MUSK: variants seen among roughly 807,000 people sequenced by gnomAD.
MUSK encodes muscle, skeletal receptor tyrosine-protein kinase.
In MUSK, 55 loss-of-function variants were observed where a neutral mutation model predicts 88.7. That is an observed-to-expected ratio of 0.62 (90% CI 0.50 to 0.78). MUSK has a LOEUF of 0.78. Ranked by LOEUF, MUSK falls within the 30% of genes least tolerant of loss-of-function variation. MUSK has a pLI of 0.00. For missense variants in MUSK, 1,015 were observed against 1,074.3 expected (o/e 0.94, Z 0.77); for synonymous variants, 387 against 391.9 (o/e 0.99, Z 0.15).
At chr9:110,783,244 C>G (rs533710550) in intron 11 of MUSK, among the ~76,000 whole-genome samples, 2 of 151,972 alleles carry the variant, frequency 1.3e-5, no homozygotes, top group African/African-American at 4.8e-5. Context: ...ATGCTCTTTT[C>G]TTCTGTGCTA....
intron 5 of MUSK, among the ~76,000 whole-genome samples, chr9:110,715,237 TC>T (rs1445762835): frequency 6.7e-6 from 1 of 149,938 alleles, no homozygotes; most frequent in East Asian, 1.9e-4. Flanking sequence ...CTCTAGTACT[TC>T]CCAGTTATGA....
chr9:110,778,361 C>T (rs959442295), intron 11 of MUSK, among the ~76,000 whole-genome samples: 3 of 152,106 alleles, frequency 2.0e-5, no homozygotes, highest in Non-Finnish European at 4.4e-5. Flanking sequence ...AAACACTCAG[C>T]AGTGAATCTG....
chr9:110,684,303 T>A (rs1274548963), intron 2 of MUSK, among the ~76,000 whole-genome samples: 1 of 152,114 alleles, frequency 6.6e-6, no homozygotes, highest in African/African-American at 2.4e-5. Context: ...TGCAGGTGCA[T>A]GAATTTATTT....
At chr9:110,733,636 A>G (rs55649372) in intron 5 of MUSK, among the ~76,000 whole-genome samples, 46,317 of 151,398 alleles carry the variant, frequency 0.31, 7,608 homozygotes, top group Non-Finnish European at 0.36. Context: ...CCCTCCCACT[A>G]TGATACAGTT....
At position 110,682,861 on chromosome 9, in the gene MUSK, A is replaced by G. The variant is rs114710421; in HGVS notation, c.206+61A>G. On this transcript the variant is annotated intron_variant, in intron 2 of 14. Transcript: ENST00000374448. ...GTGGGTATATAGTAGGTGTATATAT[A>G]TGTATATATTTATGAAGTAGATGAG... 2.0e-3 allele frequency: 2,399 copies of G among 1,197,880 alleles called. 33 individuals are homozygous for G. In the African/African-American group the frequency reaches 0.032, roughly 16 times the overall value. 74.2% of individuals were successfully genotyped at this position (1,197,880 alleles called of 1,614,324 possible). A position where few individuals can be genotyped will look rare whatever the true frequency, so the allele number is the denominator to read the frequency against.
At chr9:110,773,564 T>G (rs1212651072) in intron 9 of MUSK, among the ~76,000 whole-genome samples, 1 of 152,150 alleles carries the variant, frequency 6.6e-6, no homozygotes, top group Non-Finnish European at 1.5e-5. Flanking sequence ...TTTTCTTAAA[T>G]TCCTAATTTA....
intron 5 of MUSK, among the ~76,000 whole-genome samples, chr9:110,708,678 G>C (rs1177780646): frequency 6.6e-6 from 1 of 152,054 alleles, no homozygotes; most frequent in African/African-American, 2.4e-5. Context: ...GTTCTATAAG[G>C]CTTTCAGAGA....
At chr9:110,772,419 C>T (rs2077590672) in intron 9 of MUSK, among the ~76,000 whole-genome samples, 1 of 151,272 alleles carries the variant, frequency 6.6e-6, no homozygotes, top group Non-Finnish European at 1.5e-5. Context: ...TTTTCTAATT[C>T]CCATTGTTAT....
chr9:110,701,703 T>C (rs1249044894), intron 5 of MUSK, among the ~76,000 whole-genome samples: 49 of 114 alleles, frequency 0.43, 4 homozygotes, highest in Admixed American at 0.5. Context: ...TATTTTATTT[T>C]ATTTTATTTT....
chr9:110,700,141 G>A (rs1345204847), intron 5 of MUSK, among the ~76,000 whole-genome samples: 1 of 152,188 alleles, frequency 6.6e-6, no homozygotes, highest in African/African-American at 2.4e-5. Context: ...ACTCAAGCGT[G>A]GTGCAGCATG....
chr9:110,781,497 C>T (rs557819531), intron 11 of MUSK, among the ~76,000 whole-genome samples: 4 of 152,258 alleles, frequency 2.6e-5, no homozygotes, highest in Admixed American at 6.5e-5. Flanking sequence ...AGGATGGTCT[C>T]GATCTCCTGA....
chr9:110,759,479 T>C (rs1166725231), intron 7 of MUSK, among the ~76,000 whole-genome samples: 1 of 152,154 alleles, frequency 6.6e-6, no homozygotes, highest in East Asian at 1.9e-4. Context: ...AAATGGAACT[T>C]AATTAAACTT....
intron 1 of MUSK, among the ~76,000 whole-genome samples, chr9:110,674,153 T>G (rs3001134): frequency 0.5 from 75,856 of 151,822 alleles, 19,307 homozygotes; most frequent in African/African-American, 0.57. Flanking sequence ...AACTCTATTG[T>G]GTCTGTGGCC....
Position 110,767,915 on chromosome 9 carries a change from C to A in MUSK, c.1016C>A (p.Thr339Asn). The change falls in exon 9 of 15, where the codon ACC becomes AAC. Residue 339 changes from threonine (T) to asparagine (N), a missense_variant. Transcript: ENST00000374448. ...LAKDALVFLN[T>N]SYADPEEAQE... ...AAAGATGCTCTTGTTTTTCTCAACA[C>A]CTCCTATGCGGACCCTGAGGAGGCC... The A allele has an allele frequency of 6.2e-7, 1 of 1,613,980 alleles. No homozygotes were observed. Among genetic ancestry groups the A allele is most frequent in the Non-Finnish European group, 8.5e-7 (1 of 1,179,882 alleles).
chr9:110,740,011 T>C (rs2077076811), intron 6 of MUSK, among the ~76,000 whole-genome samples: 1 of 152,120 alleles, frequency 6.6e-6, no homozygotes, highest in African/African-American at 2.4e-5. Context: ...CGGGACACTT[T>C]AATATCCACA....
chr9:110,722,140 T>C (rs537897436), intron 5 of MUSK, among the ~76,000 whole-genome samples: 1 of 152,306 alleles, frequency 6.6e-6, no homozygotes, highest in South Asian at 2.1e-4. Context: ...ATAAAAATTC[T>C]AGAAGATAAC....
intron 1 of MUSK, among the ~76,000 whole-genome samples, chr9:110,681,024 A>ATATAATATATAATATAT (rs1564209316): frequency 1.0e-4 from 2 of 19,592 alleles, no homozygotes; most frequent in East Asian, 5.9e-4. Flanking sequence ...AATATATATT[A>ATATAATATATAATATAT]TATATTATAT....
In MUSK at chr9:110,694,559, C is replaced by T. The variant is rs182640804; in HGVS notation, c.359-844C>T. Among the ~76,000 whole-genome samples the T allele has an allele frequency of 2.0e-4, 30 of 152,200 alleles. No individual in the cohort carries two copies. In the East Asian group the frequency reaches 5.2e-3, roughly 26 times the overall value. On this transcript the variant is annotated intron_variant, in intron 3 of 14. Transcript: ENST00000374448. Reference sequence around the variant, plus strand: ...CTTTGTCAAAATAACAAATTGGTTACGGCACATGTCCTGCAAGAAATAAAA... The same window carrying T: ...CTTTGTCAAAATAACAAATTGGTTATGGCACATGTCCTGCAAGAAATAAAA...
intron 3 of MUSK, among the ~76,000 whole-genome samples, chr9:110,694,348 T>C (rs75840648): frequency 0.087 from 11,662 of 134,374 alleles, 544 homozygotes; most frequent in East Asian, 0.19. Flanking sequence ...ATCGCGCCAC[T>C]GCACTCCAGC....
Sources: gnomAD v4.1 joint callset for allele counts (sites outside exome capture counted in the v4.1 genomes callset) on GRCh38, gnomAD v4.1.1 for gene constraint, MANE v1.5 for transcripts, NCBI Gene and HGNC (gene_info 2026-07-23, HGNC 2026-07-21) for gene names.